The following FNIP1 variants were observed in gnomAD, a reference collection of about 807,000 sequenced individuals.
FNIP1 encodes the protein folliculin interacting protein 1, also known as folliculin-interacting protein 1.
Under a neutral mutation model 124.5 loss-of-function variants are expected in FNIP1, and 40 were observed. That is an observed-to-expected ratio of 0.32 (90% CI 0.25 to 0.42). The LOEUF is 0.42. FNIP1 is among the 10% of genes least tolerant of loss of function. FNIP1 has a pLI of 1.00. For missense variants in FNIP1, 1,176 were observed against 1,403.7 expected (o/e 0.84, Z 2.59); for synonymous variants, 472 against 470.6 (o/e 1.00, Z -0.04).
Position 131,749,942 on chromosome 5 carries a change from T to G in FNIP1, c.93-5252A>C, listed in dbSNP as rs554165649. Among the ~76,000 whole-genome samples the G allele has an allele frequency of 2.0e-5, 3 of 152,276 alleles. No homozygotes were observed. The East Asian group carries it at 5.8e-4, about 29-fold the overall frequency. ...ACAACAAAATTGCCTAACAATGCAT[T>G]CCTCAGAACAGAGCCCCATCATTCA... On this transcript the variant is annotated intron_variant, in intron 1 of 17. Transcript: ENST00000510461.
chr5:131,751,530 T>C (rs1340869184), intron 1 of FNIP1, among the ~76,000 whole-genome samples: 2 of 148,236 alleles, frequency 1.3e-5, no homozygotes, highest in Non-Finnish European at 3.0e-5. Context: ...TGTAATATCA[T>C]AGGCACTAAA....
rs184276741 is a variant in FNIP1, at chr5:131,751,487, G to A, written c.93-6797C>T. On this transcript the variant is annotated intron_variant, in intron 1 of 17. Transcript: ENST00000510461. Reference sequence around the variant, plus strand: ...CTTTGAATCCCCAGTCCCAAGCTTGGTAAATGAGTAAAACTACATATCCCT... The same window carrying A: ...CTTTGAATCCCCAGTCCCAAGCTTGATAAATGAGTAAAACTACATATCCCT... Among the ~76,000 whole-genome samples the A allele has an allele frequency of 3.4e-3, 511 of 151,508 alleles. 4 individuals are homozygous for A. The highest frequency in any genetic ancestry group is 0.012 in the African/African-American group (484 of 41,266).
intron 8 of FNIP1, among the ~76,000 whole-genome samples, chr5:131,707,525 G>A (rs1769154654): frequency 6.6e-6 from 1 of 152,144 alleles, no homozygotes. Flanking sequence ...CAATGATAGA[G>A]GATAAAGCTG....
chr5:131,688,833 G>A (rs572047398), intron 11 of FNIP1, among the ~76,000 whole-genome samples: 1 of 151,148 alleles, frequency 6.6e-6, no homozygotes, highest in East Asian at 1.9e-4. Flanking sequence ...GAAAAGCCAA[G>A]AGAATAAAGG....
At chr5:131,693,802 A>AT (rs1171231472) in intron 11 of FNIP1, among the ~76,000 whole-genome samples, 1 of 151,898 alleles carries the variant, frequency 6.6e-6, no homozygotes, top group Non-Finnish European at 1.5e-5. Flanking sequence ...TGTAAGAAGT[A>AT]TTTTTTTTAA....
In FNIP1 at chr5:131,760,105, C is replaced by A. The variant is rs189923048; in HGVS notation, c.93-15415G>T. On this transcript the variant is annotated intron_variant, in intron 1 of 17. Transcript: ENST00000510461. Reference sequence around the variant, plus strand: ...ACTACTAGAGGGAAGAGGGAAAAAGCATGGGTGGAAAACTACCTATTGAGT... The same window carrying A: ...ACTACTAGAGGGAAGAGGGAAAAAGAATGGGTGGAAAACTACCTATTGAGT... Among the ~76,000 whole-genome samples the A allele has an allele frequency of 2.2e-4, 34 of 152,168 alleles. No individual in the cohort carries two copies. In the East Asian group the frequency reaches 5.6e-3, roughly 25 times the overall value.
At chr5:131,721,651 A>C (rs1769667390) in intron 3 of FNIP1, among the ~76,000 whole-genome samples, 1 of 152,208 alleles carries the variant, frequency 6.6e-6, no homozygotes, top group African/African-American at 2.4e-5. Context: ...ACAAAAAATT[A>C]GCTGGGCATG....
chr5:131,707,713 G>A (rs1769161459), intron 8 of FNIP1, among the ~76,000 whole-genome samples: 1 of 151,942 alleles, frequency 6.6e-6, no homozygotes, highest in Admixed American at 6.6e-5. Context: ...GCTGTCCTAA[G>A]TTTGGAAAAA....
chr5:131,782,567 T>C (rs1772030221), intron 1 of FNIP1, among the ~76,000 whole-genome samples: 1 of 131,420 alleles, frequency 7.6e-6, no homozygotes, highest in Non-Finnish European at 1.6e-5. Context: ...TCTGTCTCAA[T>C]GAAGAAATAA....
At chr5:131,679,289 T>C (rs1768002719) in intron 11 of FNIP1, 114 bp from the exon 12 acceptor site, 10 of 669,938 alleles carry the variant, frequency 1.5e-5, no homozygotes, top group Admixed American at 1.2e-4. Context: ...ATTAAAGCTT[T>C]TGAGGAAAGA....
At chr5:131,652,963 T>TA (rs1012530817) in intron 15 of FNIP1, among the ~76,000 whole-genome samples, 5 of 151,634 alleles carry the variant, frequency 3.3e-5, no homozygotes, top group Admixed American at 6.6e-5. Flanking sequence ...GACCCTGTCT[T>TA]AAAAAAAACA....
intron 1 of FNIP1, among the ~76,000 whole-genome samples, chr5:131,790,928 G>A (rs753689944): frequency 2.0e-5 from 3 of 152,156 alleles, no homozygotes; most frequent in Non-Finnish European, 4.4e-5. Context: ...TAAGACATAG[G>A]CCAGAAGAAA....
At chr5:131,647,342 A>T in intron 16 of FNIP1, 137 bp from the exon 17 acceptor site, 1 of 636,696 alleles carries the variant, frequency 1.6e-6, no homozygotes, top group Non-Finnish European at 2.7e-6. Context: ...GCACATTTTT[A>T]AAGTATGTAG....
chr5:131,778,369 T>C (rs919387454), intron 1 of FNIP1, among the ~76,000 whole-genome samples: 2 of 152,022 alleles, frequency 1.3e-5, no homozygotes, highest in African/African-American at 2.4e-5. Context: ...AGAAGACATT[T>C]ATGCAGCCAA....
Position 131,671,840 on chromosome 5 carries a change from C to G in FNIP1, c.2604G>C (p.Glu868Asp), listed in dbSNP as rs1196309870. 6.2e-7 allele frequency: 1 copy of G among 1,613,988 alleles called. No individual in the cohort carries two copies. ...TTTTTGTACACAATATTTTTGAAAA[C>G]TCTAACATACAGCAATGGTCTTTAC... ...TDSKDHCCML[E>D]FSKILCTKNN... The change falls in exon 14 of 18, where the codon GAG (glutamate) becomes GAC (aspartate). Residue 868 changes from glutamate (E) to aspartate (D), a missense_variant. By Grantham distance (45) the Glu-to-Asp change is conservative. This residue lies in a region of FNIP1 where 1,109 missense variants were observed against 1,288.5 expected (regional missense o/e 0.86). Coordinates refer to ENST00000510461, the MANE Select transcript of FNIP1 (RefSeq NM_133372.3).
intron 13 of FNIP1, among the ~76,000 whole-genome samples, chr5:131,674,812 T>G (rs76400720): frequency 6.6e-6 from 1 of 151,508 alleles, no homozygotes; most frequent in Non-Finnish European, 1.5e-5. Context: ...AAATCCTCTA[T>G]TTTTACTTTA....
rs1041511762 is a variant in FNIP1 at position 131,678,002 on chromosome 5, G to C, written c.1350-130C>G. 8.7e-6 allele frequency: 7 copies of C among 802,828 alleles called. No homozygotes were observed. The African/African-American group carries it at 1.2e-4, about 14-fold the overall frequency. 49.7% of individuals were successfully genotyped at this position (802,828 alleles called of 1,614,324 possible). A position where few individuals can be genotyped will look rare whatever the true frequency, so the allele number is the denominator to read the frequency against. On this transcript the variant is annotated intron_variant, in intron 12 of 17. Transcript: ENST00000510461. ...AAATGGCACCAAAAAAAGGAGAAGAGAGAGGAAAGGATGAGTATATAACAC... is the reference window on the plus strand; with the variant it reads ...AAATGGCACCAAAAAAAGGAGAAGACAGAGGAAAGGATGAGTATATAACAC...
At chr5:131,704,429 ATTC>A (rs1463319296) in intron 9 of FNIP1, among the ~76,000 whole-genome samples, 163 bp from the exon 10 acceptor site, 3 of 152,184 alleles carry the variant, frequency 2.0e-5, no homozygotes, top group African/African-American at 7.2e-5. Flanking sequence ...TCTACTGGCT[ATTC>A]TTTCAGGTTC....
chr5:131,688,287 AAT>A (rs1161704083), intron 11 of FNIP1, among the ~76,000 whole-genome samples: 70 of 144,790 alleles, frequency 4.8e-4, no homozygotes, highest in African/African-American at 1.9e-3. Context: ...AGGAGTTTAA[AAT>A]AAAAAAAAAA....
Sources: allele counts gnomAD v4.1 joint callset (sites outside exome capture counted in the v4.1 genomes callset), GRCh38; gene constraint gnomAD v4.1.1; regional missense constraint gnomAD v4.1.1; transcripts MANE v1.5; gene names NCBI Gene and HGNC (gene_info 2026-07-23, HGNC 2026-07-21).